Variants in ETS1 observed in about 807,000 individuals in gnomAD.
ETS1 encodes the protein ETS proto-oncogene 1, transcription factor.
Under a neutral mutation model 58.6 loss-of-function variants are expected in ETS1, and 15 were observed. The observed-to-expected ratio is 0.26, with a 90% CI of 0.17 to 0.39. ETS1 has a LOEUF of 0.39. Ranked by LOEUF, ETS1 falls within the 10% of genes least tolerant of loss-of-function variation. ETS1 has a pLI of 1.00. For missense variants in ETS1, 417 were observed against 610.5 expected, an observed-to-expected ratio of 0.68 and a Z score of 3.34; for synonymous variants, 214 against 218.2, an observed-to-expected ratio of 0.98 and a Z score of 0.17.
At position 128,480,374 on chromosome 11, in the gene ETS1, T is replaced by C. The variant is rs770064256; in HGVS notation, c.940A>G (p.Ser314Gly). ...TGCAGGCTGTTGAAAGATGACTGGC[T>C]GCTCCAGGACTGGGTGAGGCGATCA... ...SCDRLTQSWS[S>G]QSSFNSLQRV... Residue 314 changes from serine (S) to glycine (G), a missense_variant, in exon 8 of 10, where the codon AGC (serine) becomes GGC (glycine). Coordinates refer to ENST00000392668, the MANE Select transcript of ETS1 (RefSeq NM_001143820.2). 2 of 1,614,058 alleles carry C rather than the reference T, an allele frequency of 1.2e-6. No homozygotes were observed. The highest frequency in any genetic ancestry group is 2.2e-5 in the East Asian group (1 of 44,866).
chr11:128,506,011 G>GA (rs907457965), intron 3 of ETS1, among the ~76,000 whole-genome samples: 5 of 152,170 alleles, frequency 3.3e-5, no homozygotes, highest in African/African-American at 9.7e-5. Flanking sequence ...AGGAGGGACT[G>GA]AAAAAGTCCC....
At chr11:128,554,570 C>A (rs752889299) in intron 3 of ETS1, among the ~76,000 whole-genome samples, 5 of 151,964 alleles carry the variant, frequency 3.3e-5, no homozygotes, top group Non-Finnish European at 5.9e-5. Context: ...ATCATCTCCA[C>A]TTGGGAGTTT....
chr11:128,484,660 G>A (rs999602912), intron 7 of ETS1, among the ~76,000 whole-genome samples, 163 bp downstream of exon 7: 6 of 151,942 alleles, frequency 3.9e-5, no homozygotes, highest in East Asian at 3.9e-4. Context: ...AAAACACCAC[G>A]ATGGAAAGTT....
At chr11:128,536,426 T>C (rs1863973644) in intron 3 of ETS1, 1 of 152,244 alleles carries the variant, frequency 6.6e-6, no homozygotes, top group African/African-American at 2.4e-5. Flanking sequence ...GTCAATATAA[T>C]TTATTCAAAT....
At chr11:128,542,835 G>A (rs1050740917) in intron 3 of ETS1, among the ~76,000 whole-genome samples, 1 of 152,102 alleles carries the variant, frequency 6.6e-6, no homozygotes, top group African/African-American at 2.4e-5. Flanking sequence ...ACCCTTAAGT[G>A]ATGACACCAA....
intron 3 of ETS1, chr11:128,521,802 T>C: frequency 1.3e-6 from 1 of 778,746 alleles, no homozygotes; most frequent in Non-Finnish European, 2.0e-6. Flanking sequence ...CATCCCCCGC[T>C]CCTGAAGAAA....
intron 3 of ETS1, among the ~76,000 whole-genome samples, chr11:128,552,229 G>A (rs1043631068): frequency 6.6e-6 from 1 of 152,114 alleles, no homozygotes; most frequent in Non-Finnish European, 1.5e-5. Flanking sequence ...CAAGCAACCT[G>A]GGTCCAGCGT....
At chr11:128,526,853 A>G (rs895851930) in intron 3 of ETS1, 10 of 452,550 alleles carry the variant, frequency 2.2e-5, no homozygotes, top group African/African-American at 1.6e-4. Flanking sequence ...ATGGGAGTTT[A>G]TCAGTGCTCT....
At chr11:128,564,094 G>A (rs542587717) in intron 2 of ETS1, among the ~76,000 whole-genome samples, 1 of 152,272 alleles carries the variant, frequency 6.6e-6, no homozygotes, top group Non-Finnish European at 1.5e-5. Context: ...AAGGACATGG[G>A]CAAGGGCGTG....
intron 3 of ETS1, among the ~76,000 whole-genome samples, chr11:128,503,439 A>G (rs1863143285): frequency 6.6e-6 from 1 of 152,182 alleles, no homozygotes; most frequent in Non-Finnish European, 1.5e-5. Flanking sequence ...GGTCCAGACC[A>G]TCTGGAGGGT....
intron 7 of ETS1, among the ~76,000 whole-genome samples, chr11:128,482,681 G>T (rs181715520): frequency 5.6e-4 from 86 of 152,214 alleles, no homozygotes; most frequent in Middle Eastern, 3.4e-3. Flanking sequence ...TTCATTTACG[G>T]GTATTTTCTC....
chr11:128,480,110 C>G (rs953675364), intron 8 of ETS1, 81 bp downstream of exon 8: 55 of 1,562,340 alleles, frequency 3.5e-5, no homozygotes, highest in African/African-American at 1.6e-4. Flanking sequence ...CGTCTCTGGT[C>G]AGAGGTGCAG....
chr11:128,503,994 C>A (rs1037126544), intron 3 of ETS1, among the ~76,000 whole-genome samples: 2 of 152,176 alleles, frequency 1.3e-5, no homozygotes, highest in African/African-American at 4.8e-5. Context: ...TCAGGCCCCA[C>A]ACAGTGCAGT....
rs1184318467 is a variant in ETS1, at chr11:128,549,546, C to T, written c.214+6745G>A. Among the ~76,000 whole-genome samples, 1 of 152,168 alleles carries T rather than the reference C, an allele frequency of 6.6e-6. No homozygotes were observed. The highest frequency in any genetic ancestry group is 1.5e-5 in the Non-Finnish European group (1 of 68,024). ...AGAACGTTTTTTCTCTCCGCAGCCCCCTGGGAGTCCCAGCGCAATGCTGTT... is the reference window on the plus strand; with the variant it reads ...AGAACGTTTTTTCTCTCCGCAGCCCTCTGGGAGTCCCAGCGCAATGCTGTT... On this transcript the variant is annotated intron_variant, in intron 3 of 9. Transcript: ENST00000392668. This position sits in a 1 kb window ranked among gnomAD's most constrained non-coding sequence, Gnocchi z 4.3.
intron 3 of ETS1, among the ~76,000 whole-genome samples, chr11:128,509,361 G>A (rs1189456759): frequency 6.6e-6 from 1 of 152,158 alleles, no homozygotes; most frequent in Non-Finnish European, 1.5e-5. Context: ...CCCTAGGCTT[G>A]TGCCTCTGAA....
At chr11:128,501,268 G>T (rs1863082904) in intron 3 of ETS1, among the ~76,000 whole-genome samples, 1 of 152,162 alleles carries the variant, frequency 6.6e-6, no homozygotes, top group South Asian at 2.1e-4. Context: ...CTTCTCAGAA[G>T]TTAAATGGGA....
At chr11:128,575,572 G>A (rs749670972) in intron 1 of ETS1, among the ~76,000 whole-genome samples, 1 of 152,142 alleles carries the variant, frequency 6.6e-6, no homozygotes, top group Admixed American at 6.5e-5. Context: ...CTGACCTCAC[G>A]GCCCTTAGAT....
Position 128,475,709 on chromosome 11 carries a change from G to A in ETS1, c.1123+4482C>T, listed in dbSNP as rs989211101. ...TGGGACTACAGGCGCCCACCACCAC[G>A]CCCAGCTAGTTTTTTGTATTTTTAG... On this transcript the variant is annotated intron_variant, in intron 8 of 9. Transcript: ENST00000392668. 4.0e-5 allele frequency among the ~76,000 whole-genome samples: 6 copies of A among 151,894 alleles called. 1 individual carries two copies. Among genetic ancestry groups the A allele is most frequent in the Admixed American group, 3.9e-4 (6 of 15,250 alleles).
chr11:128,556,297 C>G lies in ETS1; in HGVS notation c.208G>C (p.Val70Leu). The change falls in exon 3 of 10, where the codon GTC (valine) becomes CTC (leucine). Residue 70 changes from valine to leucine, a missense_variant. This residue lies in a region of ETS1 where 90 missense variants were observed against 90.3 expected (regional missense o/e 1.00). Coordinates refer to ENST00000392668, the MANE Select transcript of ETS1 (RefSeq NM_001143820.2). ...QEVPTGLEHC[V>L]SDMECADVPL... Reference sequence around the variant, plus strand: ...CTTTTGTTTATGTTCCTACCTGAGACACAGTGTTCAAGACCAGTAGGAACT... The same window carrying G: ...CTTTTGTTTATGTTCCTACCTGAGAGACAGTGTTCAAGACCAGTAGGAACT... 1.2e-6 allele frequency: 2 copies of G among 1,609,402 alleles called. No individual in the cohort carries two copies. Among genetic ancestry groups the G allele is most frequent in the African/African-American group, 1.3e-5 (1 of 74,728 alleles).
Sources: gnomAD v4.1 joint callset for allele counts (sites outside exome capture counted in the v4.1 genomes callset) on GRCh38, gnomAD v4.1.1 for gene constraint, gnomAD v4.1.1 regional missense constraint, Gnocchi (gnomAD v3.1) non-coding constraint, MANE v1.5 for transcripts, NCBI Gene and HGNC (gene_info 2026-07-23, HGNC 2026-07-21) for gene names.